PARD3: variants seen among roughly 807,000 people sequenced by gnomAD.
The protein encoded by PARD3 is partitioning defective 3 homolog.
In PARD3, 75 loss-of-function variants were observed where a neutral mutation model predicts 155.4. The ratio of observed to expected loss-of-function variants is 0.48; its 90% confidence interval spans 0.40 to 0.58. PARD3 has a LOEUF of 0.58. Ranked by LOEUF, PARD3 falls within the 20% of genes least tolerant of loss-of-function variation. The pLI is 0.00. For synonymous variants in PARD3, 576 were observed against 610.5 expected, an observed-to-expected ratio of 0.94 and a Z score of 0.83; for missense variants, 1,642 against 1,721.7, an observed-to-expected ratio of 0.95 and a Z score of 0.82.
chr10:34,205,048 T>C (rs1206947630), intron 22 of PARD3, among the ~76,000 whole-genome samples: 1 of 152,200 alleles, frequency 6.6e-6, no homozygotes, highest in Non-Finnish European at 1.5e-5. Flanking sequence ...GGGATGATTA[T>C]CATCAAAAAA....
At chr10:34,705,303 A>G (rs2094346334) in intron 1 of PARD3, among the ~76,000 whole-genome samples, 1 of 152,074 alleles carries the variant, frequency 6.6e-6, no homozygotes, top group Admixed American at 6.6e-5. Flanking sequence ...CATCTCACAA[A>G]TAAGTTTTTT....
intron 1 of PARD3, among the ~76,000 whole-genome samples, chr10:34,725,487 C>G (rs2094691417): frequency 1.3e-5 from 2 of 152,122 alleles, no homozygotes; most frequent in Admixed American, 6.6e-5. Context: ...CCGAATAGCT[C>G]AAGGCATTCA....
intron 20 of PARD3, among the ~76,000 whole-genome samples, chr10:34,302,847 G>C (rs145397330): frequency 6.6e-6 from 1 of 152,048 alleles, no homozygotes; most frequent in African/African-American, 2.4e-5. Context: ...CCCATTTGTG[G>C]CAAGTTCCCA....
chr10:34,372,082 T>C (rs1401895529), intron 12 of PARD3, among the ~76,000 whole-genome samples: 3 of 152,192 alleles, frequency 2.0e-5, no homozygotes, highest in Admixed American at 6.5e-5. Context: ...TTAATTTTCC[T>C]GTGTATACTT....
rs142646050 is a variant in PARD3 at position 34,644,431 on chromosome 10, C to T, written c.222+51887G>A. 6.0e-3 allele frequency among the ~76,000 whole-genome samples: 918 copies of T among 152,350 alleles called. 4 individuals carry two copies. The highest frequency in any genetic ancestry group is 9.4e-3 in the Non-Finnish European group (642 of 68,028). On this transcript the variant is annotated intron_variant, in intron 2 of 24. Transcript: ENST00000374788. Reference sequence around the variant, plus strand: ...GAAATGCTATGACATTAAGTGCAGGCTTATTCTCTGGTGCCACAGCATGGC... The same window carrying T: ...GAAATGCTATGACATTAAGTGCAGGTTTATTCTCTGGTGCCACAGCATGGC...
At position 34,814,973 on chromosome 10, in the gene PARD3, C is replaced by T. The variant is rs1334798065; in HGVS notation, c.23G>A (p.Gly8Glu). 4 of 1,543,650 alleles carry T rather than the reference C, an allele frequency of 2.6e-6. No homozygotes were observed. Among genetic ancestry groups the T allele is most frequent in the Non-Finnish European group, 8.7e-7 (1 of 1,146,522 alleles). MKVTVCF[G>E]RTRVVVPCGD... is the part of the protein sequence containing the mutation. Reference sequence around the variant, plus strand: ...GCACGGCACGACCACCCGGGTCCGTCCGAAGCACACGGTCACTTTCATGCC... The same window carrying T: ...GCACGGCACGACCACCCGGGTCCGTTCGAAGCACACGGTCACTTTCATGCC... Residue 8 changes from glycine to glutamate, a missense_variant, in exon 1 of 25, where the codon GGA (glycine) becomes GAA (glutamate). Physicochemically the swap from Gly to Glu is moderately conservative, Grantham distance 98. This residue lies in a region of PARD3 where 75 missense variants were observed against 65.3 expected (regional missense o/e 1.15). Coordinates refer to ENST00000374788, the MANE Select transcript of PARD3 (RefSeq NM_001184785.2).
At chr10:34,449,598 T>TAA (rs5784417) in intron 5 of PARD3, among the ~76,000 whole-genome samples, 12 of 148,810 alleles carry the variant, frequency 8.1e-5, no homozygotes, top group Admixed American at 1.3e-4. Flanking sequence ...ACTTAAAGTA[T>TAA]AAAAAAAAAG....
chr10:34,118,508 C>A (rs1049041623), intron 24 of PARD3, among the ~76,000 whole-genome samples: 6 of 152,150 alleles, frequency 3.9e-5, no homozygotes, highest in Non-Finnish European at 5.9e-5. Flanking sequence ...CCAAGCCCAG[C>A]TAATTTTTGT....
intron 1 of PARD3, among the ~76,000 whole-genome samples, chr10:34,813,271 G>A (rs1460758778): frequency 1.3e-4 from 20 of 151,958 alleles, no homozygotes; most frequent in Admixed American, 1.2e-3. Flanking sequence ...TTCCTATTCA[G>A]GAGCCTAGAC....
intron 1 of PARD3, among the ~76,000 whole-genome samples, 193 bp from the exon 2 acceptor site, chr10:34,696,612 C>T (rs2094177225): frequency 6.6e-6 from 1 of 151,458 alleles, no homozygotes; most frequent in Non-Finnish European, 1.5e-5. Flanking sequence ...GATGGAGTGA[C>T]TCATACACAC....
chr10:34,272,218 T>C (rs1026812053), intron 21 of PARD3, among the ~76,000 whole-genome samples: 28 of 152,300 alleles, frequency 1.8e-4, no homozygotes, highest in Admixed American at 1.0e-3. Context: ...AGAAAAAATG[T>C]AAGGGATTCT....
Position 34,522,241 on chromosome 10 carries a change from C to T in PARD3, c.223-5082G>A, listed in dbSNP as rs78854912. Among the ~76,000 whole-genome samples the T allele has an allele frequency of 7.8e-3, 1,184 of 152,216 alleles. 16 individuals carry two copies. The highest frequency in any genetic ancestry group is 0.027 in the African/African-American group (1,141 of 41,542). On this transcript the variant is annotated intron_variant, in intron 2 of 24. Coordinates refer to ENST00000374788, the MANE Select transcript of PARD3 (RefSeq NM_001184785.2). ...TGATGGCCAGAGAAATACTACACTG[C>T]CCACCTTGAAGACAAACAAAGGGAG...
intron 1 of PARD3, among the ~76,000 whole-genome samples, chr10:34,810,681 G>A (rs1844033297): frequency 6.6e-6 from 1 of 152,200 alleles, no homozygotes; most frequent in Non-Finnish European, 1.5e-5. Flanking sequence ...AGCAGCAATA[G>A]TGGGACACCT....
intron 22 of PARD3, among the ~76,000 whole-genome samples, chr10:34,239,410 G>C (rs1953437332): frequency 3.3e-5 from 5 of 152,356 alleles, no homozygotes; most frequent in Admixed American, 2.0e-4. Context: ...TGTCAAGGCA[G>C]AGGCAGACAC....
intron 12 of PARD3, among the ~76,000 whole-genome samples, chr10:34,361,077 C>T (rs1207880871): frequency 2.0e-5 from 3 of 152,208 alleles, no homozygotes; most frequent in East Asian, 3.8e-4. Context: ...AGAAAGCCTA[C>T]ACTCCAGAAG....
intron 2 of PARD3, among the ~76,000 whole-genome samples, chr10:34,589,245 T>C (rs971396280): frequency 1.3e-5 from 2 of 152,194 alleles, no homozygotes; most frequent in African/African-American, 4.8e-5. Context: ...AATTCATTTA[T>C]CAAGAGCTCC....
At chr10:34,772,282 G>A (rs1838981525) in intron 1 of PARD3, among the ~76,000 whole-genome samples, 1 of 150,242 alleles carries the variant, frequency 6.7e-6, no homozygotes, top group African/African-American at 2.4e-5. Flanking sequence ...AAATTAGCAA[G>A]GCCCCCTGTA....
At chr10:34,632,575 C>A (rs1489813661) in intron 2 of PARD3, among the ~76,000 whole-genome samples, 2 of 152,230 alleles carry the variant, frequency 1.3e-5, no homozygotes, top group African/African-American at 4.8e-5. Context: ...ATACTGCCAA[C>A]ACCAGCTCCT....
chr10:34,695,666 G>T (rs943040944), intron 2 of PARD3, among the ~76,000 whole-genome samples: 3 of 152,090 alleles, frequency 2.0e-5, no homozygotes, highest in Non-Finnish European at 2.9e-5. Flanking sequence ...AGGTCCAGGA[G>T]CCAAACTCAC....
Sources: gnomAD v4.1 joint callset for allele counts (sites outside exome capture counted in the v4.1 genomes callset) on GRCh38, gnomAD v4.1.1 for gene constraint, gnomAD v4.1.1 regional missense constraint, MANE v1.5 for transcripts, NCBI Gene and HGNC (gene_info 2026-07-23, HGNC 2026-07-21) for gene names.